The following PDIA5 variants were observed in gnomAD, a reference collection of about 807,000 sequenced individuals.
The protein encoded by PDIA5 is protein disulfide isomerase family A member 5, also known as protein disulfide-isomerase A5.
PDIA5 carries 58 observed loss-of-function variants against 77.6 expected under a neutral mutation model. That is an observed-to-expected ratio of 0.75 (90% CI 0.61 to 0.93). PDIA5 has a LOEUF of 0.93. Ranked by LOEUF, PDIA5 falls within the 40% of genes least tolerant of loss-of-function variation. PDIA5 has a pLI of 0.00. For missense variants in PDIA5, 630 were observed against 647.7 expected (o/e 0.97, Z 0.30); for synonymous variants, 250 against 252.1 (o/e 0.99, Z 0.08).
At chr3:123,149,298 A>G (rs1188856757) in intron 13 of PDIA5, among the ~76,000 whole-genome samples, 2 of 152,254 alleles carry the variant, frequency 1.3e-5, no homozygotes, top group Non-Finnish European at 2.9e-5. Context: ...AGCCATGGAA[A>G]TCACTGGAGC....
chr3:123,156,826 A>AG (rs58774717), intron 15 of PDIA5, among the ~76,000 whole-genome samples: 86,370 of 152,002 alleles, frequency 0.57, 25,229 homozygotes, highest in African/African-American at 0.73. Flanking sequence ...CTGAAGGGGC[A>AG]GCCCCATTGA....
At chr3:123,108,872 C>G (rs148930138) in intron 6 of PDIA5, among the ~76,000 whole-genome samples, 1 of 150,830 alleles carries the variant, frequency 6.6e-6, no homozygotes, top group South Asian at 2.1e-4. Context: ...GGTGACAGGG[C>G]GAGACTCCTT....
At chr3:123,130,777 C>T (rs1935354664) in intron 11 of PDIA5, among the ~76,000 whole-genome samples, 161 bp downstream of exon 11, 2 of 152,148 alleles carry the variant, frequency 1.3e-5, no homozygotes, top group Admixed American at 1.3e-4. Context: ...TCCCCACCCT[C>T]GTAGTGCACA....
At chr3:123,081,172 G>C (rs1933992784) in intron 1 of PDIA5, among the ~76,000 whole-genome samples, 1 of 152,128 alleles carries the variant, frequency 6.6e-6, no homozygotes, top group Non-Finnish European at 1.5e-5. Flanking sequence ...TTCTTCACAA[G>C]GTGTGATTAC....
chr3:123,076,170 T>C (rs539225137), intron 1 of PDIA5, among the ~76,000 whole-genome samples: 1 of 151,934 alleles, frequency 6.6e-6, no homozygotes, highest in African/African-American at 2.4e-5. Flanking sequence ...CAACGGGGAG[T>C]GGATGATGCT....
intron 3 of PDIA5, among the ~76,000 whole-genome samples, chr3:123,098,349 A>T (rs1373590653): frequency 6.6e-6 from 1 of 151,750 alleles, no homozygotes; most frequent in Non-Finnish European, 1.5e-5. Flanking sequence ...CGTCTCCCAG[A>T]CCTTGTTTTT....
At chr3:123,105,545 G>T (rs1934703130) in intron 5 of PDIA5, among the ~76,000 whole-genome samples, 2 of 152,222 alleles carry the variant, frequency 1.3e-5, no homozygotes, top group African/African-American at 4.8e-5. Context: ...GCTCCACTTG[G>T]ACAGGCAGGA....
chr3:123,151,963 GCCTTCCTTCCTGCCTTCCTT>G (rs1236776688), intron 14 of PDIA5, among the ~76,000 whole-genome samples: 4 of 106,250 alleles, frequency 3.8e-5, no homozygotes, highest in African/African-American at 1.2e-4. Flanking sequence ...CTTCCTGCCT[GCCTTCCTTCCTGCCTTCCTT>G]CCTGCCTTCC....
rs773324466 is a variant in PDIA5, at chr3:123,092,452, G to A, written c.257+10G>A. On this transcript the variant is annotated intron_variant, in intron 3 of 16. Transcript: ENST00000316218. ...GCTGGGTGGACTGTGGGTATGTGCT[G>A]GGGCCATGTGCCATGGTGGCTGCTG... 8 of 1,607,732 alleles carry A rather than the reference G, an allele frequency of 5.0e-6. No homozygotes were observed. In the Middle Eastern group the frequency reaches 6.6e-4, roughly 133 times the overall value.
chr3:123,158,890 C>T (rs187918614), intron 15 of PDIA5, among the ~76,000 whole-genome samples: 25 of 152,294 alleles, frequency 1.6e-4, no homozygotes, highest in African/African-American at 5.8e-4. Flanking sequence ...GAGCTTTATT[C>T]GCTGCCTTCT....
chr3:123,086,251 G>T (rs976980882), intron 1 of PDIA5, among the ~76,000 whole-genome samples: 1 of 152,178 alleles, frequency 6.6e-6, no homozygotes, highest in Non-Finnish European at 1.5e-5. Context: ...TATAAAACAC[G>T]TTCAATAAAT....
intron 11 of PDIA5, among the ~76,000 whole-genome samples, chr3:123,130,932 G>A (rs1009398316): frequency 2.0e-5 from 3 of 152,144 alleles, no homozygotes; most frequent in African/African-American, 7.2e-5. Flanking sequence ...AATTAAGCTG[G>A]AAGCACCCTG....
At chr3:123,072,549 C>G (rs991524650) in intron 1 of PDIA5, among the ~76,000 whole-genome samples, 57 of 152,310 alleles carry the variant, frequency 3.7e-4, no homozygotes, top group African/African-American at 1.3e-3. Context: ...ACGGGAGTTA[C>G]TTGGAGCTGA....
intron 1 of PDIA5, among the ~76,000 whole-genome samples, chr3:123,078,981 T>G (rs1933923877): frequency 1.3e-5 from 2 of 152,182 alleles, no homozygotes; most frequent in African/African-American, 2.4e-5. Flanking sequence ...TTGAGGCAGT[T>G]AATTATTTTC....
intron 10 of PDIA5, 113 bp downstream of exon 10, chr3:123,124,456 A>G (rs912182504): frequency 5.0e-6 from 4 of 797,748 alleles, no homozygotes; most frequent in Non-Finnish European, 8.9e-6. Context: ...GAGGAAGGGA[A>G]TTGTGGTACT....
At chr3:123,136,661 C>A (rs1258690375) in intron 11 of PDIA5, among the ~76,000 whole-genome samples, 1 of 143,718 alleles carries the variant, frequency 7.0e-6, no homozygotes, top group Non-Finnish European at 1.5e-5. Flanking sequence ...ATTGCTTGAA[C>A]CCGGGAGGCA....
intron 5 of PDIA5, among the ~76,000 whole-genome samples, chr3:123,104,171 C>T (rs1934674766): frequency 6.6e-6 from 1 of 152,252 alleles, no homozygotes; most frequent in South Asian, 2.1e-4. Context: ...TTGACCTTCC[C>T]GTGATTTAGG....
At chr3:123,070,119 A>G (rs1933686592) in intron 1 of PDIA5, among the ~76,000 whole-genome samples, 1 of 151,986 alleles carries the variant, frequency 6.6e-6, no homozygotes, top group Admixed American at 6.6e-5. Flanking sequence ...AAGAAGAAGA[A>G]GAAATATTCA....
At chr3:123,073,361 C>T (rs915894415) in intron 1 of PDIA5, among the ~76,000 whole-genome samples, 3 of 152,170 alleles carry the variant, frequency 2.0e-5, no homozygotes, top group African/African-American at 7.2e-5. Context: ...TTCTCAGTGC[C>T]TGGCTTGAAT....
Sources: allele counts gnomAD v4.1 joint callset (sites outside exome capture counted in the v4.1 genomes callset), GRCh38; gene constraint gnomAD v4.1.1; transcripts MANE v1.5; gene names NCBI Gene and HGNC (gene_info 2026-07-23, HGNC 2026-07-21).